Variants in GRIA1 observed in about 807,000 individuals in gnomAD.
The protein encoded by GRIA1 is glutamate receptor 1.
A neutral mutation model predicts 99.2 loss-of-function variants in GRIA1; 31 were observed. The observed-to-expected ratio is 0.31, with a 90% CI of 0.23 to 0.42. The LOEUF (loss-of-function observed/expected upper bound fraction) is 0.42. Among genes scored for constraint, GRIA1 ranks in the 10% least tolerant of loss-of-function variants. GRIA1 has a pLI of 1.00. For missense variants in GRIA1, 782 were observed against 1,157.5 expected, an observed-to-expected ratio of 0.68 and a Z score of 4.71; for synonymous variants, 438 against 432.4, an observed-to-expected ratio of 1.01 and a Z score of -0.16.
intron 14 of GRIA1, among the ~76,000 whole-genome samples, chr5:153,801,707 T>C (rs1766036380): frequency 6.6e-6 from 1 of 152,214 alleles, no homozygotes; most frequent in South Asian, 2.1e-4. Context: ...CATTTTTCTA[T>C]CTCAGAGCCT....
intron 2 of GRIA1, among the ~76,000 whole-genome samples, chr5:153,572,108 G>T (rs1252120413): frequency 1.3e-5 from 2 of 152,202 alleles, no homozygotes; most frequent in Non-Finnish European, 2.9e-5. Context: ...TGTAATATAC[G>T]ATTGTTTAAT....
At chr5:153,577,154 TTGGATGGA>T (rs35199031) in intron 2 of GRIA1, among the ~76,000 whole-genome samples, 56,943 of 119,850 alleles carry the variant, frequency 0.48, 15,645 homozygotes, top group Non-Finnish European at 0.61. Context: ...GGATGGATGG[TTGGATGGA>T]TGGATGGATG....
At chr5:153,628,921 C>T (rs1767890302) in intron 2 of GRIA1, among the ~76,000 whole-genome samples, 1 of 152,216 alleles carries the variant, frequency 6.6e-6, no homozygotes, top group African/African-American at 2.4e-5. Context: ...TACAGACCAG[C>T]TTTGTTCCTC....
intron 6 of GRIA1, among the ~76,000 whole-genome samples, chr5:153,676,511 C>A (rs1581449766): frequency 6.6e-6 from 1 of 152,162 alleles, no homozygotes; most frequent in Non-Finnish European, 1.5e-5. Flanking sequence ...CTTTCATTTT[C>A]TTTTTGCTTT....
chr5:153,741,795 G>A (rs1761809488), intron 11 of GRIA1, among the ~76,000 whole-genome samples: 1 of 152,166 alleles, frequency 6.6e-6, no homozygotes. Context: ...TAAAATTTCA[G>A]TTAAGCAAGA....
At chr5:153,533,281 G>C (rs1235880008) in intron 2 of GRIA1, among the ~76,000 whole-genome samples, 3 of 152,018 alleles carry the variant, frequency 2.0e-5, no homozygotes, top group African/African-American at 7.2e-5. Context: ...ATTCAGTCTT[G>C]TTAAAGCACT....
At chr5:153,626,034 G>A (rs1188736556) in intron 2 of GRIA1, among the ~76,000 whole-genome samples, 1 of 152,168 alleles carries the variant, frequency 6.6e-6, no homozygotes, top group Non-Finnish European at 1.5e-5. Flanking sequence ...GAACCTGGAG[G>A]GAGGGAGACC....
intron 2 of GRIA1, among the ~76,000 whole-genome samples, chr5:153,556,155 GT>G (rs1760621646): frequency 1.3e-5 from 2 of 152,172 alleles, no homozygotes; most frequent in African/African-American, 4.8e-5. Context: ...TTGAACCTTT[GT>G]TATAGCTGCA....
intron 11 of GRIA1, among the ~76,000 whole-genome samples, chr5:153,761,387 T>C (rs115422642): frequency 0.018 from 2,764 of 152,190 alleles, 24 homozygotes; most frequent in African/African-American, 0.036. Flanking sequence ...AAAATAAGTA[T>C]ACAGATGGCC....
At chr5:153,576,977 G>A (rs1169356249) in intron 2 of GRIA1, among the ~76,000 whole-genome samples, 1 of 132,350 alleles carries the variant, frequency 7.6e-6, no homozygotes, top group African/African-American at 2.7e-5. Context: ...TGGATGGATG[G>A]ATGGATGGGT....
intron 2 of GRIA1, among the ~76,000 whole-genome samples, chr5:153,497,590 C>T (rs1298339804): frequency 6.6e-6 from 1 of 152,150 alleles, no homozygotes; most frequent in Non-Finnish European, 1.5e-5. Context: ...AAAATTCACT[C>T]AGGGAGCTTG....
chr5:153,594,581 T>A (rs1581287830), intron 2 of GRIA1, among the ~76,000 whole-genome samples: 1 of 152,102 alleles, frequency 6.6e-6, no homozygotes, highest in Non-Finnish European at 1.5e-5. Flanking sequence ...TTGTTTCCCA[T>A]GATTTATTTT....
At chr5:153,699,689 T>C (rs1425832141) in intron 10 of GRIA1, among the ~76,000 whole-genome samples, 1 of 152,186 alleles carries the variant, frequency 6.6e-6, no homozygotes, top group Non-Finnish European at 1.5e-5. Context: ...AGTTGCTGGT[T>C]TTTTTTAATG....
At chr5:153,672,197 G>A (rs944825975) in intron 5 of GRIA1, among the ~76,000 whole-genome samples, 3 of 150,134 alleles carry the variant, frequency 2.0e-5, no homozygotes, top group African/African-American at 7.4e-5. Flanking sequence ...TGCCATGCAG[G>A]GGAGAGGATT....
chr5:153,811,386 C>T lies in GRIA1; in HGVS notation c.*161C>T, dbSNP rs928409947. On this transcript the variant is annotated 3_prime_UTR_variant, in exon 16 of 16. Transcript: ENST00000285900. The stretch of plus-strand genomic sequence containing the variant: ...CAGGTTTTCCTGAAGAATTGAAAAA[C>T]CATTTTGCTGTCCCTTTTCCTTTTT... 9.9e-6 allele frequency: 6 copies of T among 606,264 alleles called. No individual in the cohort carries two copies. Among genetic ancestry groups the T allele is most frequent in the Non-Finnish European group, 1.8e-5 (6 of 337,614 alleles). 37.6% of individuals were successfully genotyped at this position (606,264 alleles called of 1,614,324 possible).
At chr5:153,669,593 G>T (rs1476534732) in intron 5 of GRIA1, among the ~76,000 whole-genome samples, 1 of 152,082 alleles carries the variant, frequency 6.6e-6, no homozygotes, top group East Asian at 1.9e-4. Context: ...GCTATCTGAG[G>T]ATCGATTTTT....
chr5:153,802,536 C>T, intron 15 of GRIA1, 46 bp downstream of exon 15: 3 of 1,604,110 alleles, frequency 1.9e-6, no homozygotes, highest in South Asian at 1.1e-5. Flanking sequence ...TTCTGTGATG[C>T]AGCTGGGTTT....
At chr5:153,749,895 G>T (rs1478938814) in intron 11 of GRIA1, among the ~76,000 whole-genome samples, 2 of 152,064 alleles carry the variant, frequency 1.3e-5, no homozygotes, top group African/African-American at 4.8e-5. Context: ...CCCTGCAAGT[G>T]CTAGAATAGT....
intron 2 of GRIA1, among the ~76,000 whole-genome samples, chr5:153,537,145 C>A (rs187819901): frequency 1.8e-4 from 28 of 152,324 alleles, no homozygotes; most frequent in African/African-American, 6.7e-4. Context: ...CTGCTGTCCC[C>A]TCTCAACGCC....
Sources: allele counts gnomAD v4.1 joint callset (sites outside exome capture counted in the v4.1 genomes callset), GRCh38; gene constraint gnomAD v4.1.1; transcripts MANE v1.5; gene names NCBI Gene and HGNC (gene_info 2026-07-23, HGNC 2026-07-21).